The following LARGE1 variants were observed in gnomAD, a reference collection of about 807,000 sequenced individuals.
LARGE1 encodes xylosyl- and glucuronyltransferase LARGE1.
Under a neutral mutation model 87.6 loss-of-function variants are expected in LARGE1, and 43 were observed. The ratio of observed to expected loss-of-function variants is 0.49; its 90% CI spans 0.38 to 0.63. The LOEUF (loss-of-function observed/expected upper bound fraction) is 0.63. Ranked by LOEUF, LARGE1 falls within the 30% of genes least tolerant of loss-of-function variation. LARGE1 has a pLI of 0.00. For synonymous variants in LARGE1, 434 were observed against 394.6 expected (o/e 1.10, Z -1.18); for missense variants, 802 against 1,000.2 (o/e 0.80, Z 2.67).
downstream of LARGE1, among the ~76,000 whole-genome samples, chr22:33,268,576 C>T (rs1038849004): frequency 3.3e-5 from 5 of 151,178 alleles, no homozygotes; most frequent in South Asian, 2.1e-4. Context: ...TACTGGTGCC[C>T]GCCACCACGC....
downstream of LARGE1, among the ~76,000 whole-genome samples, chr22:33,157,481 C>T (rs1921908516): frequency 6.6e-6 from 1 of 152,184 alleles, no homozygotes; most frequent in Non-Finnish European, 1.5e-5. Context: ...GCATCTCAGT[C>T]CCTTCCTTGT....
chr22:33,665,841 G>A (rs997691669), intron 2 of LARGE1, among the ~76,000 whole-genome samples: 2 of 152,072 alleles, frequency 1.3e-5, no homozygotes, highest in South Asian at 2.1e-4. Flanking sequence ...GCAGTGAGCC[G>A]AGATCGTGCC....
intron 9 of LARGE1, among the ~76,000 whole-genome samples, chr22:33,346,470 G>A (rs953309770): frequency 6.6e-6 from 1 of 151,862 alleles, no homozygotes; most frequent in African/African-American, 2.4e-5. Context: ...GCCTGGCTAT[G>A]TTTTGTATTT....
intron 6 of LARGE1, among the ~76,000 whole-genome samples, chr22:33,512,950 T>G (rs1022882539): frequency 1.3e-5 from 2 of 152,228 alleles, no homozygotes; most frequent in Non-Finnish European, 1.5e-5. Context: ...ACTGTTTTTT[T>G]TAAATTGTTT....
At chr22:33,083,265 C>T in the LARGE1 span, among the ~76,000 whole-genome samples, 1 of 152,136 alleles carries the variant, frequency 6.6e-6, no homozygotes, top group Non-Finnish European at 1.5e-5. Flanking sequence ...GCTAGGCTGC[C>T]ATAATTTTCT....
chr22:33,778,325 T>G (rs941717724), intron 1 of LARGE1, among the ~76,000 whole-genome samples: 5 of 152,206 alleles, frequency 3.3e-5, no homozygotes, highest in African/African-American at 1.2e-4. Flanking sequence ...GGCTTTTTCT[T>G]TTTATTGCAG....
chr22:33,174,218 GAACAACCT>G (rs1922736889), intron 11 of LARGE1, among the ~76,000 whole-genome samples: 1 of 152,106 alleles, frequency 6.6e-6, no homozygotes, highest in Non-Finnish European at 1.5e-5. Context: ...CATGAAAACT[GAACAACCT>G]GCTCTTGAAT....
chr22:33,825,354 A>G (rs1033702236), intron 1 of LARGE1, among the ~76,000 whole-genome samples: 1 of 150,436 alleles, frequency 6.6e-6, no homozygotes, highest in East Asian at 1.9e-4. Flanking sequence ...TTTATAAATT[A>G]TAATAAAAGA....
intron 1 of LARGE1, among the ~76,000 whole-genome samples, chr22:33,762,953 G>T (rs1290814911): frequency 6.6e-6 from 1 of 152,132 alleles, no homozygotes; most frequent in Non-Finnish European, 1.5e-5. Flanking sequence ...GATTCCCAAG[G>T]AACAGATGTC....
the LARGE1 span, among the ~76,000 whole-genome samples, chr22:33,144,047 C>A: frequency 6.6e-6 from 1 of 151,912 alleles, no homozygotes; most frequent in Non-Finnish European, 1.5e-5. Flanking sequence ...TCTTTATTTT[C>A]TTTGATTCTG....
intron 11 of LARGE1, among the ~76,000 whole-genome samples, chr22:33,218,305 C>T (rs746953916): frequency 9.2e-5 from 14 of 152,152 alleles, no homozygotes; most frequent in Non-Finnish European, 2.1e-4. Context: ...CTATATATTC[C>T]AACCATATTA....
chr22:33,876,179 C>A (rs576665786), intron 1 of LARGE1, among the ~76,000 whole-genome samples: 34 of 152,248 alleles, frequency 2.2e-4, no homozygotes, highest in Non-Finnish European at 1.6e-4. Flanking sequence ...TCATCTGTAC[C>A]ATGAACACGG....
chr22:33,425,234 C>T (rs1408270786), intron 7 of LARGE1, among the ~76,000 whole-genome samples: 1 of 152,096 alleles, frequency 6.6e-6, no homozygotes, highest in Non-Finnish European at 1.5e-5. Flanking sequence ...TGCACTTCAG[C>T]CTGGGTGACA....
intron 11 of LARGE1, among the ~76,000 whole-genome samples, chr22:33,197,320 A>C (rs1198855858): frequency 1.3e-5 from 2 of 152,106 alleles, no homozygotes; most frequent in Admixed American, 6.6e-5. Context: ...AAATAAAACA[A>C]AGAGCACAAA....
intron 7 of LARGE1, among the ~76,000 whole-genome samples, chr22:33,418,778 G>A (rs2066589280): frequency 6.6e-6 from 1 of 152,158 alleles, no homozygotes; most frequent in Admixed American, 6.5e-5. Context: ...AGCCAGCCCA[G>A]GCCGGCTCCC....
chr22:33,127,363 T>C, the LARGE1 span, among the ~76,000 whole-genome samples: 1 of 152,218 alleles, frequency 6.6e-6, no homozygotes, highest in African/African-American at 2.4e-5. Flanking sequence ...GGAACATAAC[T>C]CAATCTCTAG....
At chr22:33,682,974 T>C (rs1316181461) in intron 2 of LARGE1, among the ~76,000 whole-genome samples, 1 of 152,198 alleles carries the variant, frequency 6.6e-6, no homozygotes, top group Non-Finnish European at 1.5e-5. Context: ...AAGACAAAGA[T>C]GATGATAGAA....
intron 7 of LARGE1, among the ~76,000 whole-genome samples, chr22:33,408,282 C>T (rs1181613509): frequency 6.6e-6 from 1 of 152,014 alleles, no homozygotes; most frequent in African/African-American, 2.4e-5. Context: ...CAAAGCCCAG[C>T]CAAAGATAAA....
At chr22:33,192,047 A>G (rs1923810590) in intron 11 of LARGE1, among the ~76,000 whole-genome samples, 2 of 152,222 alleles carry the variant, frequency 1.3e-5, no homozygotes, top group Non-Finnish European at 2.9e-5. Flanking sequence ...CCAACCCTGG[A>G]TTAAGGGTCA....
Sources: allele counts gnomAD v4.1 joint callset (sites outside exome capture counted in the v4.1 genomes callset), GRCh38; gene constraint gnomAD v4.1.1; transcripts MANE v1.5; gene names NCBI Gene and HGNC (gene_info 2026-07-23, HGNC 2026-07-21).